Variants in PCDH11X observed in about 807,000 individuals in gnomAD.
The protein encoded by PCDH11X is protocadherin 11 X-linked, also known as protocadherin-11 X-linked.
In PCDH11X, 18 loss-of-function variants were observed where a neutral mutation model predicts 53.3. That is an observed-to-expected ratio of 0.34 (90% CI 0.23 to 0.50). PCDH11X has a LOEUF of 0.50. Ranked by LOEUF, PCDH11X falls within the 20% of genes least tolerant of loss-of-function variation. The probability of loss-of-function intolerance (pLI) is 0.98; values close to 1 mark genes in which losing one functional copy is unlikely to be tolerated. For synonymous variants in PCDH11X, 279 were observed against 393.3 expected (o/e 0.71, Z 3.44); for missense variants, 570 against 1,032.4 (o/e 0.55, Z 6.14).
At chrX:92,521,371 G>A (rs1190665940) in intron 10 of PCDH11X, among the ~76,000 whole-genome samples, 1 of 111,450 alleles carries the variant, frequency 9.0e-6, no homozygotes, top group Non-Finnish European at 1.9e-5. Flanking sequence ...CAGGTACATT[G>A]GCAATGAGCA....
intron 1 of PCDH11X, among the ~76,000 whole-genome samples, chrX:91,794,474 GT>G: frequency 8.9e-6 from 1 of 111,735 alleles, no homozygotes; most frequent in East Asian, 2.8e-4. Flanking sequence ...GAAAGGAAAT[GT>G]TTCTCAGATA....
intron 6 of PCDH11X, among the ~76,000 whole-genome samples, chrX:91,949,129 G>T (rs1239517421): frequency 9.0e-6 from 1 of 110,560 alleles, no homozygotes; most frequent in East Asian, 2.9e-4. Flanking sequence ...ACAGAAAAAA[G>T]AGACTGTTAT....
At chrX:92,196,986 A>G (rs951210727) in intron 6 of PCDH11X, among the ~76,000 whole-genome samples, 1 of 111,788 alleles carries the variant, frequency 8.9e-6, no homozygotes, top group Non-Finnish European at 1.9e-5. Context: ...GCATTTTATT[A>G]TAGTAACTCA....
chrX:92,180,409 T>A, intron 6 of PCDH11X, among the ~76,000 whole-genome samples: 1 of 111,406 alleles, frequency 9.0e-6, no homozygotes, highest in East Asian at 2.8e-4. Context: ...TACTCTCCTT[T>A]ACTGCATCTT....
chrX:92,538,834 C>A (rs2074710551), intron 10 of PCDH11X, among the ~76,000 whole-genome samples: 1 of 103,902 alleles, frequency 9.6e-6, no homozygotes, highest in African/African-American at 3.5e-5. Context: ...TTATAATATT[C>A]TGTGGTTTTC....
At chrX:91,937,083 T>A (rs2061453222) in intron 6 of PCDH11X, among the ~76,000 whole-genome samples, 1 of 110,065 alleles carries the variant, frequency 9.1e-6, no homozygotes, top group Admixed American at 9.8e-5. Flanking sequence ...CCTAAAACTA[T>A]ATACAGATTT....
chrX:92,441,028 G>T (rs894305695), intron 9 of PCDH11X, among the ~76,000 whole-genome samples: 1 of 111,373 alleles, frequency 9.0e-6, no homozygotes, highest in African/African-American at 3.3e-5. Flanking sequence ...GTTGACTCTT[G>T]TTATCTTTTA....
At chrX:92,388,168 C>A (rs2071051124) in intron 9 of PCDH11X, among the ~76,000 whole-genome samples, 1 of 111,167 alleles carries the variant, frequency 9.0e-6, no homozygotes, top group Non-Finnish European at 1.9e-5. Flanking sequence ...TTTGTTAAGG[C>A]ATAGATAGAA....
Position 91,851,862 on chromosome X carries a change from TG to T in PCDH11X, c.540+15820del, listed in dbSNP as rs200769832. Among the ~76,000 whole-genome samples, 523 of 111,266 alleles carry T rather than the reference TG, an allele frequency of 4.7e-3. 6 individuals are homozygous for T. Among genetic ancestry groups the T allele is most frequent in the African/African-American group, 0.016 (505 of 30,632 alleles). On this transcript the variant is annotated intron_variant, in intron 5 of 10. Coordinates refer to ENST00000682573, the MANE Select transcript of PCDH11X (RefSeq NM_032968.5). Reference sequence around the variant, plus strand: ...ACTTCCATTGGTAACAAATAGAAACTGGTTTGCTGCTATTCTGTCCTGGCAT... The same window carrying T: ...ACTTCCATTGGTAACAAATAGAAACTGTTTGCTGCTATTCTGTCCTGGCAT...
At chrX:91,884,367 G>A (rs765374969) in intron 6 of PCDH11X, among the ~76,000 whole-genome samples, 4 of 110,090 alleles carry the variant, frequency 3.6e-5, no homozygotes, top group Non-Finnish European at 5.7e-5. Flanking sequence ...CTTATATTAC[G>A]AAACATAATT....
chrX:92,352,142 CTCCA>C (rs1332939866), intron 8 of PCDH11X, among the ~76,000 whole-genome samples: 1 of 111,445 alleles, frequency 9.0e-6, no homozygotes, highest in Non-Finnish European at 1.9e-5. Context: ...TATATTTATA[CTCCA>C]TCTACTGGCC....
At chrX:92,183,833 T>TG (rs1385344261) in intron 6 of PCDH11X, among the ~76,000 whole-genome samples, 11 of 111,646 alleles carry the variant, frequency 9.9e-5, no homozygotes, top group African/African-American at 3.6e-4. Flanking sequence ...TGGCTTGTGG[T>TG]TTTGCCCATT....
intron 10 of PCDH11X, among the ~76,000 whole-genome samples, chrX:92,522,769 G>A (rs1338014573): frequency 1.8e-5 from 2 of 112,290 alleles, no homozygotes; most frequent in African/African-American, 6.5e-5. Context: ...AACTCACTGT[G>A]GAGTTTAAGA....
chrX:92,018,545 C>G (rs2062833751), intron 6 of PCDH11X, among the ~76,000 whole-genome samples: 1 of 112,110 alleles, frequency 8.9e-6, no homozygotes, highest in Non-Finnish European at 1.9e-5. Flanking sequence ...GTAATGAATA[C>G]AGCCTCTCAG....
chrX:92,580,751 G>T (rs1415504605), intron 10 of PCDH11X, among the ~76,000 whole-genome samples: 2 of 111,944 alleles, frequency 1.8e-5, no homozygotes, highest in African/African-American at 6.5e-5. Context: ...GGCCCTGGTA[G>T]CCTGGGCTCA....
At chrX:92,581,040 C>A (rs745371466) in intron 10 of PCDH11X, among the ~76,000 whole-genome samples, 309 of 110,736 alleles carry the variant, frequency 2.8e-3, no homozygotes, top group African/African-American at 9.6e-3. Context: ...AGCTGCTGAC[C>A]ACCGTTTCTT....
In PCDH11X at chrX:91,983,420, A is replaced by G. The variant is rs1203965227; in HGVS notation, c.3033+104147A>G. The G allele has an allele frequency of 6.6e-6, 5 of 761,591 alleles. No individual in the cohort carries two copies. In the Admixed American group the frequency reaches 6.8e-5, roughly 10 times the overall value. 62.8% of individuals were successfully genotyped at this position (761,591 alleles called of 1,213,427 possible). A position where few individuals can be genotyped will look rare whatever the true frequency, so the allele number is the denominator to read the frequency against. The stretch of plus-strand genomic sequence containing the variant: ...ATTCTCAGATTTTGTTTTCAAATCA[A>G]GCATTATTAAGCCAAATCCATAGCC... On this transcript the variant is annotated intron_variant, in intron 6 of 10. Transcript: ENST00000682573.
rs377098136 is a variant in PCDH11X at position 92,111,572 on chromosome X, T to C, written c.3034-89803T>C. On this transcript the variant is annotated intron_variant, in intron 6 of 10. Transcript: ENST00000682573. ...AAATTTTAAAAAAACAGCATTTATTTATCCAGTTTCCTTTAGTCACAACAT... is the reference window on the plus strand; with the variant it reads ...AAATTTTAAAAAAACAGCATTTATTCATCCAGTTTCCTTTAGTCACAACAT... Among the ~76,000 whole-genome samples the C allele has an allele frequency of 9.9e-5, 11 of 110,715 alleles. No homozygotes were observed. The East Asian group carries it at 2.6e-3, about 26-fold the overall frequency.
At chrX:91,936,261 T>C (rs1464364935) in intron 6 of PCDH11X, among the ~76,000 whole-genome samples, 1 of 109,800 alleles carries the variant, frequency 9.1e-6, no homozygotes, top group Non-Finnish European at 1.9e-5. Context: ...ATGGGGTCTA[T>C]TGGGGCAATA....
Sources: gnomAD v4.1 joint callset for allele counts (sites outside exome capture counted in the v4.1 genomes callset) on GRCh38, gnomAD v4.1.1 for gene constraint, MANE v1.5 for transcripts, NCBI Gene and HGNC (gene_info 2026-07-23, HGNC 2026-07-21) for gene names.